Variants in ZER1 observed in about 807,000 individuals in gnomAD.
ZER1 encodes the protein protein zer-1 homolog.
A neutral mutation model predicts 78.8 loss-of-function variants in ZER1; 11 were observed. The ratio of observed to expected loss-of-function variants is 0.14; its 90% CI spans 0.09 to 0.23. The LOEUF (loss-of-function observed/expected upper bound fraction) is 0.23. Among genes scored for constraint, ZER1 ranks in the 10% least tolerant of loss-of-function variants. The pLI is 1.00. For missense variants in ZER1, 588 were observed against 996.9 expected, an observed-to-expected ratio of 0.59 and a Z score of 5.52; for synonymous variants, 400 against 407.0, an observed-to-expected ratio of 0.98 and a Z score of 0.21.
At chr9:128,766,524 T>G (rs916927996) in intron 1 of ZER1, among the ~76,000 whole-genome samples, 1 of 152,036 alleles carries the variant, frequency 6.6e-6, no homozygotes, top group Non-Finnish European at 1.5e-5. Context: ...CAGACAGATA[T>G]GTACACAGGT....
At chr9:128,738,200 ACG>A (rs1863155570) in intron 13 of ZER1, among the ~76,000 whole-genome samples, 1 of 145,528 alleles carries the variant, frequency 6.9e-6, no homozygotes, top group Non-Finnish European at 1.5e-5. Flanking sequence ...GCATGCCACC[ACG>A]CCCGGCTAAT....
At chr9:128,750,836 C>G (rs372312582) in intron 7 of ZER1, 47 bp from the exon 8 acceptor site, 9 of 1,608,520 alleles carry the variant, frequency 5.6e-6, no homozygotes, top group Non-Finnish European at 7.7e-6. Flanking sequence ...CAGGGAGAGG[C>G]CTGGGCTCTG....
intron 8 of ZER1, among the ~76,000 whole-genome samples, chr9:128,746,321 C>CT (rs1863489332): frequency 6.6e-6 from 1 of 152,168 alleles, no homozygotes; most frequent in Non-Finnish European, 1.5e-5. Flanking sequence ...GTGCTCTTCC[C>CT]TATCTTTGCA....
At chr9:128,762,287 G>A (rs1864076832) in intron 1 of ZER1, among the ~76,000 whole-genome samples, 1 of 152,124 alleles carries the variant, frequency 6.6e-6, no homozygotes, top group Non-Finnish European at 1.5e-5. Flanking sequence ...GCCTCCCTCT[G>A]TGCCCATTTG....
rs113617508 is a variant in ZER1, at chr9:128,731,185, C to T, written c.*152G>A. ...ATATAATATATATATATCTCACTAA[C>T]ATTAAGGAAAAGCGTCGGTTGTGCA... On this transcript the variant is annotated 3_prime_UTR_variant, in exon 16 of 16. Transcript: ENST00000291900. The T allele has an allele frequency of 5.0e-3, 2,435 of 488,712 alleles. 61 individuals carry two copies. Among genetic ancestry groups the T allele is most frequent in the African/African-American group, 0.043 (2,171 of 50,722 alleles). 30.3% of individuals were successfully genotyped at this position (488,712 alleles called of 1,614,324 possible).
intron 1 of ZER1, among the ~76,000 whole-genome samples, chr9:128,765,723 T>C (rs1469723690): frequency 6.6e-6 from 1 of 152,076 alleles, no homozygotes; most frequent in African/African-American, 2.4e-5. Flanking sequence ...GCTAGACGCT[T>C]TCCAGGAGGC....
Position 128,731,198 on chromosome 9 carries a change from C to T in ZER1, c.*139G>A, listed in dbSNP as rs1370197126. 3 of 548,000 alleles carry T rather than the reference C, an allele frequency of 5.5e-6. No homozygotes were observed. The highest frequency in any genetic ancestry group is 9.6e-6 in the Non-Finnish European group (3 of 312,904). 33.9% of individuals were successfully genotyped at this position (548,000 alleles called of 1,614,324 possible). On this transcript the variant is annotated 3_prime_UTR_variant, in exon 16 of 16. Transcript: ENST00000291900. ...ATATCTCACTAACATTAAGGAAAAG[C>T]GTCGGTTGTGCAAAAGTCCCCCATG...
chr9:128,761,603 GTTTTTTTTTTT>G (rs1180495331), intron 1 of ZER1, among the ~76,000 whole-genome samples: 2 of 107,370 alleles, frequency 1.9e-5, no homozygotes, highest in African/African-American at 3.4e-5. Flanking sequence ...CCCATAATTT[GTTTTTTTTTTT>G]TTTTTTTTGA....
chr9:128,753,447 C>T lies in ZER1; in HGVS notation c.463G>A (p.Glu155Lys), dbSNP rs1427426515. ...EEENPGGCED[E>K]YLVNPTCQVL... ...TGGCAGGTGGGGTTGACGAGGTACTCATCTTCACAGCCCCCTGGGTTCTCC... is the reference window on the plus strand; with the variant it reads ...TGGCAGGTGGGGTTGACGAGGTACTTATCTTCACAGCCCCCTGGGTTCTCC... Residue 155 changes from glutamate to lysine, a missense_variant, in exon 4 of 16, where the codon GAG becomes AAG. Coordinates refer to ENST00000291900, the MANE Select transcript of ZER1 (RefSeq NM_006336.4). The surrounding 1 kb of genome is among the most constrained non-coding windows in gnomAD (Gnocchi z 7.5). 1 of 1,614,158 alleles carries T rather than the reference C, an allele frequency of 6.2e-7. No individual in the cohort carries two copies. The highest frequency in any genetic ancestry group is 8.5e-7 in the Non-Finnish European group (1 of 1,180,008).
Position 128,751,063 on chromosome 9 carries a change from G to T in ZER1, c.1185+59C>A. The T allele has an allele frequency of 1.3e-6, 2 of 1,532,628 alleles. No individual in the cohort carries two copies. 94.9% of individuals were successfully genotyped at this position (1,532,628 alleles called of 1,614,324 possible). The stretch of plus-strand genomic sequence containing the variant: ...GGCTCTGGGGACACGGCTCAGCCAA[G>T]CCCGGCAACCTCCAGGTGGGGAGGG... On this transcript the variant is annotated intron_variant, in intron 7 of 15. Transcript: ENST00000291900. The surrounding 1 kb of genome is among the most constrained non-coding windows in gnomAD (Gnocchi z 5.4).
chr9:128,735,623 A>AAGGCACAAGCACATGAGGG (rs1863040144), intron 13 of ZER1, among the ~76,000 whole-genome samples, 192 bp from the exon 14 acceptor site: 1 of 152,094 alleles, frequency 6.6e-6, no homozygotes, highest in Non-Finnish European at 1.5e-5. Context: ...GGAGAGGATA[A>AAGGCACAAGCACATGAGGG]AGGCACAAGC....
intron 13 of ZER1, among the ~76,000 whole-genome samples, chr9:128,739,174 A>G (rs1055063982): frequency 1.3e-5 from 2 of 151,788 alleles, no homozygotes; most frequent in Non-Finnish European, 2.9e-5. Context: ...TTTCGTAAAG[A>G]GGAAGTCTCA....
At chr9:128,750,873 GC>G (rs1449867484) in intron 7 of ZER1, 84 bp from the exon 8 acceptor site, 22 of 1,563,628 alleles carry the variant, frequency 1.4e-5, no homozygotes, top group Non-Finnish European at 1.9e-5. Context: ...GCTCTCTGGG[GC>G]AAGGTTTAGC....
chr9:128,741,390 G>A, intron 11 of ZER1, 145 bp downstream of exon 11: 2 of 1,234,884 alleles, frequency 1.6e-6, no homozygotes, highest in Non-Finnish European at 2.3e-6. Context: ...AATCCTGGGT[G>A]GGTGGGCCTG....
chr9:128,753,052 C>T lies in ZER1; in HGVS notation c.746+112G>A. The T allele has an allele frequency of 1.6e-6, 2 of 1,256,702 alleles. No homozygotes were observed. The highest frequency in any genetic ancestry group is 2.1e-6 in the Non-Finnish European group (2 of 930,850). The allele number at this position is 1,256,702 out of a possible 1,614,324, so 77.8% of individuals were successfully genotyped here. ...AATGGGACTGTGTCTTCATCCCCAC[C>T]CTCTGCCTAGCCAAGCGCTCCTGAA... On this transcript the variant is annotated intron_variant, in intron 4 of 15. Coordinates refer to ENST00000291900, the MANE Select transcript of ZER1 (RefSeq NM_006336.4). The surrounding 1 kb of genome is among the most constrained non-coding windows in gnomAD (Gnocchi z 7.5).
chr9:128,735,334 G>C lies in ZER1; in HGVS notation c.2140C>G (p.Pro714Ala). The part of the protein sequence containing the change: ...WALYNLVSVY[P>A]DKYCPLLIKE... ...GAACCCAGGACAAGTTGGCACTCACGGTAGACAGACACGAGGTTATACAGG... is the reference window on the plus strand; with the variant it reads ...GAACCCAGGACAAGTTGGCACTCACCGTAGACAGACACGAGGTTATACAGG... The change falls in exon 14 of 16, where the codon CCG becomes GCG. Residue 714 changes from proline (P) to alanine (A), a missense_variant and splice_region_variant. By Grantham distance (27) the Pro-to-Ala change is conservative. Coordinates refer to ENST00000291900, the MANE Select transcript of ZER1 (RefSeq NM_006336.4). The C allele has an allele frequency of 6.2e-7, 1 of 1,612,616 alleles. No individual in the cohort carries two copies. The highest frequency in any genetic ancestry group is 8.5e-7 in the Non-Finnish European group (1 of 1,179,370).
chr9:128,752,966 C>T (rs1163434115), intron 4 of ZER1, 117 bp from the exon 5 acceptor site: 4 of 1,390,170 alleles, frequency 2.9e-6, no homozygotes, highest in Admixed American at 2.4e-5. Flanking sequence ...ACAACTTCCC[C>T]AGGGCATTCT....
chr9:128,770,134 T>C lies in ZER1; in HGVS notation c.-95+1447A>G, dbSNP rs1864338026. Among the ~76,000 whole-genome samples the C allele has an allele frequency of 1.3e-5, 2 of 152,258 alleles. 1 individual carries two copies. Among genetic ancestry groups the C allele is most frequent in the South Asian group, 4.1e-4 (2 of 4,826 alleles). ...CCCATCCTCCCACTGTTTCTTTCTTTTTTTTGAGACAGAGTCTCACTCTTG... is the reference window on the plus strand; with the variant it reads ...CCCATCCTCCCACTGTTTCTTTCTTCTTTTTGAGACAGAGTCTCACTCTTG... On this transcript the variant is annotated intron_variant, in intron 1 of 15. Coordinates refer to ENST00000291900, the MANE Select transcript of ZER1 (RefSeq NM_006336.4).
At chr9:128,733,812 A>G (rs1439067323) in intron 14 of ZER1, among the ~76,000 whole-genome samples, 1 of 146,288 alleles carries the variant, frequency 6.8e-6, no homozygotes, top group Non-Finnish European at 1.5e-5. Flanking sequence ...ATATATATAT[A>G]TATAAAATAT....
Sources: gnomAD v4.1 joint callset for allele counts (sites outside exome capture counted in the v4.1 genomes callset) on GRCh38, gnomAD v4.1.1 for gene constraint, Gnocchi (gnomAD v3.1) non-coding constraint, MANE v1.5 for transcripts, NCBI Gene and HGNC (gene_info 2026-07-23, HGNC 2026-07-21) for gene names.